CELF2: variants seen among roughly 807,000 people sequenced by gnomAD.
CELF2 encodes CUG triplet repeat RNA-binding protein 2.
A neutral mutation model predicts 62.6 loss-of-function variants in CELF2; 8 were observed. The observed-to-expected ratio is 0.13, with a 90% confidence interval of 0.07 to 0.23. The LOEUF is 0.23. Ranked by LOEUF, CELF2 falls within the 10% of genes least tolerant of loss-of-function variation. The pLI is 1.00. For missense variants in CELF2, 333 were observed against 671.0 expected (o/e 0.50, Z 5.56); for synonymous variants, 258 against 250.0 (o/e 1.03, Z -0.30).
chr10:10,566,864 T>C, the CELF2 span, among the ~76,000 whole-genome samples: 1 of 152,122 alleles, frequency 6.6e-6, no homozygotes, highest in Non-Finnish European at 1.5e-5. Context: ...GTAACTATCC[T>C]AGAATGGGCC....
intron 2 of CELF2, among the ~76,000 whole-genome samples, chr10:11,188,349 C>T (rs1287610581): frequency 1.3e-5 from 2 of 152,188 alleles, no homozygotes; most frequent in African/African-American, 4.8e-5. Flanking sequence ...AGGTGATCTG[C>T]CCACCTCGGC....
At chr10:10,905,877 CAAAAAAGAAAAAAA>C (rs1293842055) in intron 1 of CELF2, among the ~76,000 whole-genome samples, 5 of 128,638 alleles carry the variant, frequency 3.9e-5, no homozygotes, top group Non-Finnish European at 6.5e-5. Context: ...GGCTCCATCT[CAAAAAAGAAAAAAA>C]AAAAAAGAAA....
chr10:11,230,389 G>T (rs2068193607), intron 3 of CELF2, among the ~76,000 whole-genome samples: 1 of 152,190 alleles, frequency 6.6e-6, no homozygotes. Context: ...CCTCTCCGAT[G>T]CTCTTTCCCT....
chr10:10,827,300 G>A (rs1590867498), intron 1 of CELF2, among the ~76,000 whole-genome samples: 1 of 152,110 alleles, frequency 6.6e-6, no homozygotes, highest in South Asian at 2.1e-4. Context: ...AGGGATTTTT[G>A]TCCGTCCTCT....
chr10:11,316,530 C>G lies in CELF2; in HGVS notation c.1096+2272C>G, dbSNP rs953985590. Among the ~76,000 whole-genome samples, 2 of 152,122 alleles carry G rather than the reference C, an allele frequency of 1.3e-5. No homozygotes were observed. Among genetic ancestry groups the G allele is most frequent in the African/African-American group, 4.8e-5 (2 of 41,414 alleles). On this transcript the variant is annotated intron_variant, in intron 10 of 12. Transcript: ENST00000633077. The surrounding 1 kb of genome is among the most constrained non-coding windows in gnomAD (Gnocchi z 4.4). ...ATGCTACCAGTTCCACTGGATAATT[C>G]CTAAAGAAATTCGTCAAGCAGTGGT...
chr10:11,302,459 G>A lies in CELF2; in HGVS notation c.977-11680G>A, dbSNP rs151241713. 1.3e-5 allele frequency among the ~76,000 whole-genome samples: 2 copies of A among 152,190 alleles called. No homozygotes were observed. The highest frequency in any genetic ancestry group is 2.9e-5 in the Non-Finnish European group (2 of 68,036). On this transcript the variant is annotated intron_variant, in intron 9 of 12. Coordinates refer to ENST00000633077, the MANE Select transcript of CELF2 (RefSeq NM_001326342.2). This position sits in a 1 kb window ranked among gnomAD's most constrained non-coding sequence, Gnocchi z 5.0. ...GGCGAGGCTGTAACTTTACAGTAACGATCTTCTCCATTAAATGTGTCTGTG... is the reference window on the plus strand; with the variant it reads ...GGCGAGGCTGTAACTTTACAGTAACAATCTTCTCCATTAAATGTGTCTGTG...
At chr10:10,843,179 AAGAAAAACAAC>A (rs912695970) in intron 1 of CELF2, among the ~76,000 whole-genome samples, 4 of 152,080 alleles carry the variant, frequency 2.6e-5, no homozygotes, top group South Asian at 2.1e-4. Context: ...TGTCTCCACA[AAGAAAAACAAC>A]AGAAAAACAA....
Position 11,117,266 on chromosome 10 carries a change from C to T in CELF2, c.75-48220C>T, listed in dbSNP as rs17375396. Among the ~76,000 whole-genome samples the T allele has an allele frequency of 0.056, 8,463 of 152,210 alleles. 280 individuals carry two copies. The highest frequency in any genetic ancestry group is 0.065 in the Middle Eastern group (19 of 294). ...ACTTAGAAGAACTGGCTTTGAATTC[C>T]GACATTTACTGGCTGTGTGGCTTTG... On this transcript the variant is annotated intron_variant, in intron 1 of 12. Transcript: ENST00000633077. The surrounding 1 kb of genome is among the most constrained non-coding windows in gnomAD (Gnocchi z 4.1).
At chr10:10,802,763 C>G (rs1193209465) in intron 1 of CELF2, among the ~76,000 whole-genome samples, 2 of 152,200 alleles carry the variant, frequency 1.3e-5, no homozygotes, top group Admixed American at 6.5e-5. Context: ...TTGCCAATTC[C>G]TCTTCCAACT....
At chr10:10,686,577 C>T in the CELF2 span, among the ~76,000 whole-genome samples, 1 of 152,090 alleles carries the variant, frequency 6.6e-6, no homozygotes. Flanking sequence ...TTCCCCTATA[C>T]TGTCCTTGTG....
intron 1 of CELF2, among the ~76,000 whole-genome samples, chr10:11,079,740 AG>A (rs1358526445): frequency 1.3e-5 from 1 of 78,176 alleles, no homozygotes; most frequent in East Asian, 5.7e-4. Context: ...GGACTAATAC[AG>A]CCCCCCCCCC....
At position 11,008,313 on chromosome 10, in the gene CELF2, T is replaced by A. The variant is rs561338854; in HGVS notation, c.53+2873T>A. 3.1e-4 allele frequency among the ~76,000 whole-genome samples: 47 copies of A among 152,350 alleles called. No individual in the cohort carries two copies. The highest frequency in any genetic ancestry group is 1.0e-3 in the African/African-American group (43 of 41,580). Reference sequence around the variant, plus strand: ...CACCCTAAGCCCTTCTGCCATGAGCTTTGGGAATATTCACATAGATGTGTT... The same window carrying A: ...CACCCTAAGCCCTTCTGCCATGAGCATTGGGAATATTCACATAGATGTGTT... On this transcript the variant is annotated intron_variant, in intron 1 of 12. Transcript: ENST00000416382. This position sits in a 1 kb window ranked among gnomAD's most constrained non-coding sequence, Gnocchi z 4.5.
intron 1 of CELF2, among the ~76,000 whole-genome samples, chr10:10,870,871 C>G (rs1470681201): frequency 1.3e-5 from 2 of 152,124 alleles, no homozygotes; most frequent in African/African-American, 2.4e-5. Context: ...GCCTCTTGTT[C>G]GTTAATATAT....
At chr10:11,153,769 G>A (rs1472132587) in intron 1 of CELF2, among the ~76,000 whole-genome samples, 1 of 152,240 alleles carries the variant, frequency 6.6e-6, no homozygotes, top group Non-Finnish European at 1.5e-5. Flanking sequence ...ATGTTGATCA[G>A]TCCCTAAACT....
chr10:10,718,821 G>A, the CELF2 span, among the ~76,000 whole-genome samples: 1 of 151,942 alleles, frequency 6.6e-6, no homozygotes, highest in Admixed American at 6.6e-5. Context: ...CTGCTGATAG[G>A]AAACATGATT....
chr10:11,242,303 A>AGAAAAATTC lies in CELF2; in HGVS notation c.355-6850_355-6849insGAAAAATTC. Among the ~76,000 whole-genome samples, 1 of 152,166 alleles carries AGAAAAATTC rather than the reference A, an allele frequency of 6.6e-6. No individual in the cohort carries two copies. The highest frequency in any genetic ancestry group is 1.5e-5 in the Non-Finnish European group (1 of 68,028). On this transcript the variant is annotated intron_variant, in intron 3 of 12. Transcript: ENST00000633077. The surrounding 1 kb of genome is among the most constrained non-coding windows in gnomAD (Gnocchi z 4.8). ...ATCAATTGGTGATGGCTGGGGTTCA[A>AGAAAAATTC]CAAGTTCCAACATGAGTTCTCCTGT...
the CELF2 span, among the ~76,000 whole-genome samples, chr10:10,483,936 C>T: frequency 4.1e-3 from 603 of 146,870 alleles, 7 homozygotes; most frequent in African/African-American, 0.015. Context: ...AACTCTCTCT[C>T]GTCTCTCTCT....
chr10:10,462,741 A>C, the CELF2 span, among the ~76,000 whole-genome samples: 17 of 148,944 alleles, frequency 1.1e-4, no homozygotes. Flanking sequence ...AAGGTGTAAT[A>C]GCCTGATGTA....
chr10:10,970,910 G>T (rs949453674), intron 2 of CELF2: 57 of 151,532 alleles, frequency 3.8e-4, no homozygotes, highest in African/African-American at 1.4e-3. Context: ...GATATAGAAA[G>T]TCAAGTAATT....
Sources: allele counts gnomAD v4.1 joint callset (sites outside exome capture counted in the v4.1 genomes callset), GRCh38; gene constraint gnomAD v4.1.1; non-coding constraint Gnocchi (gnomAD v3.1); transcripts MANE v1.5; gene names NCBI Gene and HGNC (gene_info 2026-07-23, HGNC 2026-07-21).